PDSS2: variants seen among roughly 807,000 people sequenced by gnomAD.
PDSS2 encodes decaprenyl diphosphate synthase subunit 2, also known as all trans-polyprenyl-diphosphate synthase PDSS2.
A neutral mutation model predicts 44.5 loss-of-function variants in PDSS2; 31 were observed. That is an observed-to-expected ratio of 0.70 (90% CI 0.52 to 0.94). PDSS2 has a LOEUF of 0.94. PDSS2 is among the 40% of genes least tolerant of loss of function. PDSS2 has a pLI of 0.00. For missense variants in PDSS2, 452 were observed against 482.2 expected (o/e 0.94, Z 0.59); for synonymous variants, 157 against 180.3 (o/e 0.87, Z 1.03).
At chr6:107,419,291 T>C (rs1487857538) in intron 1 of PDSS2, among the ~76,000 whole-genome samples, 1 of 152,220 alleles carries the variant, frequency 6.6e-6, no homozygotes, top group Non-Finnish European at 1.5e-5. Context: ...TAGTCTATAT[T>C]AGTTTAAATT....
At chr6:107,403,212 G>A (rs942245743) in intron 1 of PDSS2, among the ~76,000 whole-genome samples, 1 of 152,110 alleles carries the variant, frequency 6.6e-6, no homozygotes, top group African/African-American at 2.4e-5. Flanking sequence ...ATGCAAGTCC[G>A]AAATCCAACA....
intron 3 of PDSS2, among the ~76,000 whole-genome samples, chr6:107,249,591 T>TA (rs529365281): frequency 6.4e-4 from 96 of 149,050 alleles, no homozygotes; most frequent in Middle Eastern, 6.9e-3. Flanking sequence ...CACATGCAAA[T>TA]AAAAAAAAAA....
intron 1 of PDSS2, among the ~76,000 whole-genome samples, chr6:107,434,722 C>T (rs547953047): frequency 6.3e-4 from 96 of 152,000 alleles, no homozygotes; most frequent in Middle Eastern, 3.4e-3. Context: ...ATTTACTGTA[C>T]ATTTTAAAAT....
intron 7 of PDSS2, among the ~76,000 whole-genome samples, chr6:107,180,540 G>A (rs1025182460): frequency 3.9e-5 from 6 of 152,224 alleles, no homozygotes; most frequent in East Asian, 3.9e-4. Context: ...TCATTCATTC[G>A]ACAGTCAGTC....
chr6:107,163,188 A>G (rs1271297977), intron 7 of PDSS2, among the ~76,000 whole-genome samples: 1 of 152,224 alleles, frequency 6.6e-6, no homozygotes, highest in Non-Finnish European at 1.5e-5. Flanking sequence ...TAAACTAAAT[A>G]TCTGATGATA....
At chr6:107,312,625 G>C (rs1360098014) in intron 2 of PDSS2, among the ~76,000 whole-genome samples, 1 of 152,108 alleles carries the variant, frequency 6.6e-6, no homozygotes, top group African/African-American at 2.4e-5. Flanking sequence ...ACAGGGCCTG[G>C]CTGTTAATAG....
chr6:107,440,391 T>G (rs866554419), intron 1 of PDSS2, among the ~76,000 whole-genome samples: 1 of 152,230 alleles, frequency 6.6e-6, no homozygotes, highest in Non-Finnish European at 1.5e-5. Flanking sequence ...TCTTAACATG[T>G]ACTCTTTGCA....
intron 7 of PDSS2, among the ~76,000 whole-genome samples, chr6:107,164,909 G>A (rs1240712202): frequency 2.0e-5 from 3 of 152,184 alleles, no homozygotes; most frequent in Non-Finnish European, 2.9e-5. Flanking sequence ...GCATTTCTCT[G>A]ATGGCCAGTG....
In PDSS2 at chr6:107,428,507, A is replaced by G. The variant is rs60716399; in HGVS notation, c.296+30483T>C. Among the ~76,000 whole-genome samples, 1,364 of 152,272 alleles carry G rather than the reference A, an allele frequency of 9.0e-3. 48 individuals carry two copies. The East Asian group carries it at 0.12, about 13-fold the overall frequency. On this transcript the variant is annotated intron_variant, in intron 1 of 7. Transcript: ENST00000369037. Reference sequence around the variant, plus strand: ...TACTTATTGAAGGCTTTCTGTATCAAGTATATGCTGGGCAACAGAAACATA... The same window carrying G: ...TACTTATTGAAGGCTTTCTGTATCAGGTATATGCTGGGCAACAGAAACATA...
At position 107,273,777 on chromosome 6, in the gene PDSS2, GATTTAACCCTATCCTATA is replaced by G. The variant is rs531992991; in HGVS notation, c.630+234_630+251del. ...TTACTTACATTTTCTTTGTTTTGAA[GATTTAACCCTATCCTATA>G]ATTAATAATTTCATCCATAATCAGA... is the stretch of plus-strand genomic sequence containing the variant. On this transcript the variant is annotated intron_variant, in intron 3 of 7. Transcript: ENST00000369037. Among the ~76,000 whole-genome samples, 1,718 of 152,140 alleles carry G rather than the reference GATTTAACCCTATCCTATA, an allele frequency of 0.011. 17 individuals carry two copies. Among genetic ancestry groups the G allele is most frequent in the Middle Eastern group, 0.037 (11 of 294 alleles).
In PDSS2 at chr6:107,330,780, A is replaced by G. The variant is rs531806433; in HGVS notation, c.431+3418T>C. Among the ~76,000 whole-genome samples, 3 of 152,296 alleles carry G rather than the reference A, an allele frequency of 2.0e-5. No individual in the cohort carries two copies. The East Asian group carries it at 5.8e-4, about 29-fold the overall frequency. ...AGTCAAGGTTAGTGGAATAAACCTAAAGTTCACAGTCTTGTTGGCAAAAGG... is the reference window on the plus strand; with the variant it reads ...AGTCAAGGTTAGTGGAATAAACCTAGAGTTCACAGTCTTGTTGGCAAAAGG... On this transcript the variant is annotated intron_variant, in intron 2 of 7. Transcript: ENST00000369037.
intron 1 of PDSS2, among the ~76,000 whole-genome samples, chr6:107,366,990 A>T (rs1009317914): frequency 6.6e-6 from 1 of 152,148 alleles, no homozygotes; most frequent in Non-Finnish European, 1.5e-5. Context: ...TGAGGTCAGT[A>T]CTTACCCTAA....
intron 4 of PDSS2, among the ~76,000 whole-genome samples, chr6:107,237,378 G>A (rs1461540065): frequency 6.6e-6 from 1 of 151,774 alleles, no homozygotes; most frequent in African/African-American, 2.4e-5. Flanking sequence ...CAAGTAACTG[G>A]GATTACAGGC....
intron 6 of PDSS2, among the ~76,000 whole-genome samples, chr6:107,195,838 G>A (rs1772544624): frequency 6.6e-6 from 1 of 152,172 alleles, no homozygotes; most frequent in Non-Finnish European, 1.5e-5. Context: ...GGGATTACAG[G>A]CGTGAGCCAC....
intron 1 of PDSS2, among the ~76,000 whole-genome samples, chr6:107,456,520 A>C (rs982075659): frequency 1.3e-5 from 2 of 152,170 alleles, no homozygotes; most frequent in African/African-American, 4.8e-5. Context: ...AGTAAAATGA[A>C]ACATTATTAT....
At chr6:107,226,730 C>T (rs1008786613) in intron 4 of PDSS2, among the ~76,000 whole-genome samples, 14 of 145,188 alleles carry the variant, frequency 9.6e-5, no homozygotes, top group African/African-American at 2.8e-4. Context: ...AATGCAGTGG[C>T]GCAATCTCGG....
intron 1 of PDSS2, among the ~76,000 whole-genome samples, chr6:107,435,603 G>A (rs1562538351): frequency 6.6e-6 from 1 of 152,120 alleles, no homozygotes; most frequent in African/African-American, 2.4e-5. Context: ...AGGTAGATTT[G>A]TGAAGGTATT....
At position 107,242,000 on chromosome 6, in the gene PDSS2, A is replaced by G. The variant is rs530828493; in HGVS notation, c.702+3548T>C. 3.9e-5 allele frequency among the ~76,000 whole-genome samples: 6 copies of G among 152,300 alleles called. No homozygotes were observed. In the East Asian group the frequency reaches 1.2e-3, roughly 29 times the overall value. The stretch of plus-strand genomic sequence containing the variant: ...GGCTGCTTCCCAGTCCTGCCAGAAC[A>G]TGAAAACCTTGAAAGCACTCCATGT... On this transcript the variant is annotated intron_variant, in intron 4 of 7. Coordinates refer to ENST00000369037, the MANE Select transcript of PDSS2 (RefSeq NM_020381.4).
At chr6:107,158,166 T>C (rs1454849660) in intron 7 of PDSS2, among the ~76,000 whole-genome samples, 2 of 148,838 alleles carry the variant, frequency 1.3e-5, no homozygotes, top group Admixed American at 1.4e-4. Context: ...AGAGTAGAGA[T>C]CAGAAGCCAG....
Sources: gnomAD v4.1 joint callset for allele counts (sites outside exome capture counted in the v4.1 genomes callset) on GRCh38, gnomAD v4.1.1 for gene constraint, MANE v1.5 for transcripts, NCBI Gene and HGNC (gene_info 2026-07-23, HGNC 2026-07-21) for gene names.